Variants in TBCK observed in about 807,000 individuals in gnomAD.
TBCK encodes TBC domain-containing protein kinase-like protein.
In TBCK, 99 loss-of-function variants were observed where a neutral mutation model predicts 113.4. The observed-to-expected ratio is 0.87, with a 90% CI of 0.74 to 1.03. The LOEUF (loss-of-function observed/expected upper bound fraction) is 1.03, where lower values mean the gene tolerates loss of function less well. Among genes scored for constraint, TBCK ranks in the 50% least tolerant of loss-of-function variants. TBCK has a pLI of 0.00. For missense variants in TBCK, 1,045 were observed against 1,061.3 expected, an observed-to-expected ratio of 0.98 and a Z score of 0.21; for synonymous variants, 369 against 370.8, an observed-to-expected ratio of 1.00 and a Z score of 0.05.
At chr4:106,080,693 T>G (rs1486611789) in intron 25 of TBCK, among the ~76,000 whole-genome samples, 4 of 152,152 alleles carry the variant, frequency 2.6e-5, no homozygotes, top group African/African-American at 9.7e-5. Flanking sequence ...ACTGAAGAGC[T>G]TCTGCACAAC....
chr4:106,168,952 C>T (rs1029878154), intron 23 of TBCK, among the ~76,000 whole-genome samples: 13 of 151,864 alleles, frequency 8.6e-5, no homozygotes, highest in African/African-American at 3.1e-4. Context: ...ATTCTGAGTA[C>T]CAAGATGATA....
chr4:106,288,009 A>G (rs1446550919), intron 3 of TBCK, among the ~76,000 whole-genome samples: 1 of 152,170 alleles, frequency 6.6e-6, no homozygotes, highest in Non-Finnish European at 1.5e-5. Context: ...AAAATTAAAA[A>G]AGTCAGTGGC....
chr4:106,190,180 A>G (rs2149803738), intron 22 of TBCK, among the ~76,000 whole-genome samples: 1 of 152,332 alleles, frequency 6.6e-6, no homozygotes, highest in East Asian at 1.9e-4. Flanking sequence ...TGGAAAGATT[A>G]CACATAAATC....
intron 24 of TBCK, among the ~76,000 whole-genome samples, chr4:106,102,366 C>G (rs950093149): frequency 6.6e-6 from 1 of 152,130 alleles, no homozygotes; most frequent in Non-Finnish European, 1.5e-5. Context: ...ATATTACCAC[C>G]TGCAGGCTTT....
chr4:106,259,248 T>C (rs1762280293), intron 5 of TBCK, among the ~76,000 whole-genome samples: 2 of 151,736 alleles, frequency 1.3e-5, no homozygotes, highest in Admixed American at 1.3e-4. Flanking sequence ...GCAAGTTATA[T>C]ATGAGGCTGG....
intron 22 of TBCK, among the ~76,000 whole-genome samples, chr4:106,187,007 C>T (rs6822692): frequency 0.19 from 29,106 of 152,026 alleles, 2,848 homozygotes; most frequent in South Asian, 0.25. Flanking sequence ...CCTTTCCTCA[C>T]TGCTTATTTT....
chr4:106,141,750 A>G (rs369352806), intron 23 of TBCK, among the ~76,000 whole-genome samples: 9 of 141,524 alleles, frequency 6.4e-5, no homozygotes, highest in African/African-American at 2.2e-4. Flanking sequence ...AAATGGAAAG[A>G]CATACCCTGT....
At chr4:106,300,028 T>G (rs999931900) in intron 2 of TBCK, among the ~76,000 whole-genome samples, 1 of 152,146 alleles carries the variant, frequency 6.6e-6, no homozygotes, top group Admixed American at 6.5e-5. Flanking sequence ...GGTAATTGAA[T>G]CACAGGGGAG....
At chr4:106,077,436 G>A (rs1236013698) in intron 25 of TBCK, among the ~76,000 whole-genome samples, 1 of 152,150 alleles carries the variant, frequency 6.6e-6, no homozygotes, top group Non-Finnish European at 1.5e-5. Flanking sequence ...CATCTCAGAA[G>A]TAACAGCAAT....
At chr4:106,181,085 T>C (rs896832364) in intron 22 of TBCK, among the ~76,000 whole-genome samples, 2 of 152,158 alleles carry the variant, frequency 1.3e-5, no homozygotes, top group African/African-American at 2.4e-5. Flanking sequence ...GATGGTCTCA[T>C]TGTGGTTTTG....
chr4:106,275,842 T>C (rs1434306224), intron 3 of TBCK, among the ~76,000 whole-genome samples: 3 of 152,134 alleles, frequency 2.0e-5, no homozygotes, highest in Non-Finnish European at 4.4e-5. Context: ...TATCAGTTCT[T>C]TCCAAATTGA....
chr4:106,310,699 A>G (rs567272518), intron 1 of TBCK: 10 of 152,326 alleles, frequency 6.6e-5, no homozygotes, highest in African/African-American at 2.2e-4. Flanking sequence ...AAGCCTGTCC[A>G]TATATGCAAA....
chr4:106,309,343 C>T (rs929514082), intron 1 of TBCK, among the ~76,000 whole-genome samples: 2 of 119,634 alleles, frequency 1.7e-5, no homozygotes, highest in African/African-American at 3.3e-5. Context: ...GAGACAGTCT[C>T]GCACTGTCAC....
chr4:106,247,127 A>C lies in TBCK; in HGVS notation c.931+12T>G, dbSNP rs777108694. 9 of 1,603,918 alleles carry C rather than the reference A, an allele frequency of 5.6e-6. No homozygotes were observed. Among genetic ancestry groups the C allele is most frequent in the Admixed American group, 3.5e-5 (2 of 57,262 alleles). On this transcript the variant is annotated intron_variant, in intron 10 of 25. Transcript: ENST00000394708. ...GGCTCATATTATTCTCTATGCTTTAATTTATCATTACCTTTACACAACTGA... is the reference window on the plus strand; with the variant it reads ...GGCTCATATTATTCTCTATGCTTTACTTTATCATTACCTTTACACAACTGA...
Position 106,145,763 on chromosome 4 carries a change from G to A in TBCK, c.2235+25332C>T, listed in dbSNP as rs528625891. Among the ~76,000 whole-genome samples, 7 of 152,104 alleles carry A rather than the reference G, an allele frequency of 4.6e-5. No individual in the cohort carries two copies. The East Asian group carries it at 1.4e-3, about 29-fold the overall frequency. ...CATGAACAGATATTTTTCAAAACAA[G>A]ACACATATGTAGCCAATAAGCATAT... On this transcript the variant is annotated intron_variant, in intron 23 of 25. Transcript: ENST00000394708.
intron 5 of TBCK, among the ~76,000 whole-genome samples, chr4:106,258,335 CAGAT>C (rs1762197064): frequency 6.6e-6 from 1 of 152,028 alleles, no homozygotes; most frequent in Admixed American, 6.5e-5. Context: ...TATTTTGAAA[CAGAT>C]GGTAACATTT....
At chr4:106,093,958 C>T (rs1373399189) in intron 25 of TBCK, among the ~76,000 whole-genome samples, 1 of 152,096 alleles carries the variant, frequency 6.6e-6, no homozygotes, top group African/African-American at 2.4e-5. Context: ...AAATGTACCA[C>T]TCTGATGGGG....
intron 5 of TBCK, among the ~76,000 whole-genome samples, chr4:106,255,387 G>A (rs771715966): frequency 2.0e-5 from 3 of 152,230 alleles, no homozygotes; most frequent in Admixed American, 6.5e-5. Flanking sequence ...CAGGCATGGC[G>A]TGGCAAGGGG....
chr4:106,254,626 T>A (rs1163940093), intron 5 of TBCK, among the ~76,000 whole-genome samples: 6 of 152,146 alleles, frequency 3.9e-5, no homozygotes, highest in Admixed American at 3.9e-4. Flanking sequence ...CAGTTTAGCC[T>A]TTTATATTTA....
Sources: allele counts gnomAD v4.1 joint callset (sites outside exome capture counted in the v4.1 genomes callset), GRCh38; gene constraint gnomAD v4.1.1; transcripts MANE v1.5; gene names NCBI Gene and HGNC (gene_info 2026-07-23, HGNC 2026-07-21).